Variants in CELF2 observed in about 807,000 individuals in gnomAD.
CELF2 encodes the protein CUG triplet repeat RNA-binding protein 2.
In CELF2, 8 loss-of-function variants were observed where a neutral mutation model predicts 62.6. That is an observed-to-expected ratio of 0.13 (90% confidence interval 0.07 to 0.23). The LOEUF is 0.23. Ranked by LOEUF, CELF2 falls within the 10% of genes least tolerant of loss-of-function variation. CELF2 has a pLI of 1.00. For synonymous variants in CELF2, 258 were observed against 250.0 expected (o/e 1.03, Z -0.30); for missense variants, 333 against 671.0 (o/e 0.50, Z 5.56).
At chr10:10,932,379 G>T (rs531556151) in intron 2 of CELF2, among the ~76,000 whole-genome samples, 1 of 152,164 alleles carries the variant, frequency 6.6e-6, no homozygotes, top group African/African-American at 2.4e-5. Context: ...CTGGAAAATT[G>T]CTAGGAAGGT....
chr10:11,072,545 C>G (rs1413111364), intron 1 of CELF2, among the ~76,000 whole-genome samples: 1 of 152,170 alleles, frequency 6.6e-6, no homozygotes, highest in Non-Finnish European at 1.5e-5. Flanking sequence ...CTTTGACAGC[C>G]TCTTTGAGCA....
chr10:11,209,499 T>A (rs998936891), intron 2 of CELF2, among the ~76,000 whole-genome samples: 3 of 152,044 alleles, frequency 2.0e-5, no homozygotes, highest in African/African-American at 7.2e-5. Flanking sequence ...GAATGTCATT[T>A]TGTCATTGCC....
chr10:10,855,337 T>C (rs1410302796), intron 1 of CELF2, among the ~76,000 whole-genome samples: 2 of 152,328 alleles, frequency 1.3e-5, no homozygotes, highest in Non-Finnish European at 2.9e-5. Context: ...GTGACACTGC[T>C]GTCACCTAGG....
the CELF2 span, among the ~76,000 whole-genome samples, chr10:10,542,295 G>T: frequency 1.3e-5 from 2 of 152,208 alleles, no homozygotes; most frequent in East Asian, 3.9e-4. Context: ...AAACATTGAT[G>T]CCTCTATTCA....
At chr10:11,044,891 A>G (rs962124117) in intron 1 of CELF2, among the ~76,000 whole-genome samples, 8 of 152,242 alleles carry the variant, frequency 5.3e-5, no homozygotes, top group African/African-American at 1.7e-4. Flanking sequence ...ACGTATTTGA[A>G]TTGCACATTC....
At chr10:10,552,540 A>G in the CELF2 span, among the ~76,000 whole-genome samples, 1 of 152,170 alleles carries the variant, frequency 6.6e-6, no homozygotes, top group East Asian at 1.9e-4. Context: ...CAGGAAGGAT[A>G]AAAAAGCTAA....
In CELF2 at chr10:11,151,147, T is replaced by A. The variant is rs1244802748; in HGVS notation, c.75-14339T>A. On this transcript the variant is annotated intron_variant, in intron 1 of 12. Transcript: ENST00000633077. ...TGTTTCCCCACCCAGTTTTTAGTAG[T>A]ATAATATTAAGCCTTAATTTACAAC... 2.6e-5 allele frequency among the ~76,000 whole-genome samples: 4 copies of A among 152,234 alleles called. 1 individual carries two copies. The East Asian group carries it at 7.7e-4, about 29-fold the overall frequency.
the CELF2 span, among the ~76,000 whole-genome samples, chr10:10,557,388 T>C: frequency 1.3e-5 from 2 of 151,038 alleles, no homozygotes; most frequent in African/African-American, 2.5e-5. Flanking sequence ...GTTCCATTGA[T>C]CTATATCTCT....
the CELF2 span, among the ~76,000 whole-genome samples, chr10:10,712,692 G>A: frequency 9.1e-4 from 139 of 152,130 alleles, no homozygotes; most frequent in African/African-American, 3.2e-3. Flanking sequence ...AAGTACAGAC[G>A]TTTGATTCTC....
intron 1 of CELF2, among the ~76,000 whole-genome samples, chr10:10,799,092 G>A (rs6602454): frequency 0.71 from 107,997 of 152,048 alleles, 38,586 homozygotes; most frequent in East Asian, 0.79. Flanking sequence ...CAGCTGACTC[G>A]CTGGAAGGAA....
intron 1 of CELF2, among the ~76,000 whole-genome samples, chr10:11,036,039 A>G (rs902692386): frequency 6.6e-6 from 1 of 152,230 alleles, no homozygotes; most frequent in Non-Finnish European, 1.5e-5. Flanking sequence ...AGGTAGTTGT[A>G]CAGCTAATTC....
intron 1 of CELF2, among the ~76,000 whole-genome samples, chr10:11,059,292 A>G (rs1034802179): frequency 3.3e-5 from 5 of 152,070 alleles, no homozygotes; most frequent in African/African-American, 9.7e-5. Context: ...CTAGACTTGC[A>G]TGTCTGTTTT....
chr10:10,603,873 G>T, the CELF2 span, among the ~76,000 whole-genome samples: 1 of 152,040 alleles, frequency 6.6e-6, no homozygotes, highest in East Asian at 1.9e-4. Flanking sequence ...AATGATAAAG[G>T]TTGGAATGCT....
At chr10:10,558,749 G>C in the CELF2 span, among the ~76,000 whole-genome samples, 162 of 152,106 alleles carry the variant, frequency 1.1e-3, no homozygotes, top group Admixed American at 3.7e-3. Flanking sequence ...CAACTTCTTC[G>C]TGGTTTAGTC....
the CELF2 span, among the ~76,000 whole-genome samples, chr10:10,672,468 A>G: frequency 6.7e-6 from 1 of 148,160 alleles, no homozygotes; most frequent in Admixed American, 6.7e-5. Flanking sequence ...TGTGAAGGGT[A>G]GAAGGTCTGT....
the CELF2 span, among the ~76,000 whole-genome samples, chr10:10,565,001 C>T: frequency 1.3e-5 from 2 of 152,194 alleles, no homozygotes; most frequent in African/African-American, 4.8e-5. Flanking sequence ...GAAATGCACG[C>T]TCAGGGAAAG....
At chr10:10,544,118 G>A in the CELF2 span, among the ~76,000 whole-genome samples, 4 of 152,320 alleles carry the variant, frequency 2.6e-5, no homozygotes, top group Admixed American at 2.6e-4. Flanking sequence ...TGAACGTTCT[G>A]TTGCAACAAA....
chr10:11,118,918 C>G (rs899619034), intron 1 of CELF2, among the ~76,000 whole-genome samples: 2 of 152,246 alleles, frequency 1.3e-5, no homozygotes, highest in Non-Finnish European at 2.9e-5. Context: ...TCCTGTGTCA[C>G]TCTCTGTGAA....
chr10:10,743,100 C>T, the CELF2 span, among the ~76,000 whole-genome samples: 2 of 152,146 alleles, frequency 1.3e-5, no homozygotes, highest in Non-Finnish European at 2.9e-5. Flanking sequence ...ATATTAGATC[C>T]CACAGAGTTT....
Sources: allele counts gnomAD v4.1 joint callset (sites outside exome capture counted in the v4.1 genomes callset), GRCh38; gene constraint gnomAD v4.1.1; transcripts MANE v1.5; gene names NCBI Gene and HGNC (gene_info 2026-07-23, HGNC 2026-07-21).